P2RY14: variants seen among roughly 807,000 people sequenced by gnomAD.
P2RY14 encodes the protein P2Y purinoceptor 14.
A neutral mutation model predicts 0.9 loss-of-function variants in P2RY14; 2 were observed. That is an observed-to-expected ratio of 2.16 (90% CI 0.88 to 6.79). The LOEUF (loss-of-function observed/expected upper bound fraction) is 6.79, where lower values mean the gene tolerates loss of function less well. P2RY14 is among the 30% of genes most tolerant of loss of function. The pLI, the probability that P2RY14 is intolerant of heterozygous loss-of-function variation, is 0.05. For synonymous variants in P2RY14, 158 were observed against 147.2 expected (o/e 1.07, Z -0.53); for missense variants, 378 against 400.1 (o/e 0.94, Z 0.47).
chr3:151,260,906 G>A (rs372003931), intron 1 of P2RY14, among the ~76,000 whole-genome samples: 7 of 151,912 alleles, frequency 4.6e-5, no homozygotes, highest in Admixed American at 1.3e-4. Context: ...TTATCTTGAC[G>A]GCGTCACATC....
intron 1 of P2RY14, among the ~76,000 whole-genome samples, chr3:151,226,728 G>T (rs1730563702): frequency 6.6e-6 from 1 of 152,120 alleles, no homozygotes; most frequent in African/African-American, 2.4e-5. Context: ...AGTTTCTTCA[G>T]TTATCTTCCA....
chr3:151,213,867 G>T lies in P2RY14; in HGVS notation c.450C>A (p.Leu150=). ...GAATAATATTTGGAACAGCAAGGAG[G>T]AGCATGAGCATCCATACTATCACTG... ...LLSVIVWMLM[L]LLAVPNIILT... Residue 150 remains leucine (L), a synonymous_variant, in exon 3 of 3, where the codon CTC becomes CTA. Transcript: ENST00000309170. 6.2e-7 allele frequency: 1 copy of T among 1,613,690 alleles called. No individual in the cohort carries two copies. The highest frequency in any genetic ancestry group is 1.1e-5 in the South Asian group (1 of 91,074).
intron 1 of P2RY14, among the ~76,000 whole-genome samples, chr3:151,239,204 T>G (rs534128144): frequency 1.3e-4 from 20 of 152,242 alleles, no homozygotes; most frequent in Non-Finnish European, 1.2e-4. Context: ...TATGATGTTA[T>G]AAAATTGGGC....
chr3:151,258,947 C>T (rs1738352755), intron 1 of P2RY14, among the ~76,000 whole-genome samples: 1 of 151,974 alleles, frequency 6.6e-6, no homozygotes, highest in African/African-American at 2.4e-5. Context: ...TGCTGTTAGC[C>T]TCTGCAGGCT....
At position 151,213,286 on chromosome 3, in the gene P2RY14, A is replaced by G; in HGVS notation, c.*14T>C. 6.4e-7 allele frequency: 1 copy of G among 1,567,254 alleles called. No homozygotes were observed. The highest frequency in any genetic ancestry group is 8.6e-7 in the Non-Finnish European group (1 of 1,159,874). On this transcript the variant is annotated 3_prime_UTR_variant, in exon 3 of 3. Transcript: ENST00000309170. ...ACATGCACACGTGGTCTTTCTTTGG[A>G]AGAGGGTAGGAACTCACAAAGTATC...
chr3:151,244,857 T>C (rs905889047), intron 1 of P2RY14, among the ~76,000 whole-genome samples: 3 of 151,848 alleles, frequency 2.0e-5, no homozygotes, highest in Admixed American at 1.3e-4. Context: ...ATCAACAAAA[T>C]TGATAGACCG....
chr3:151,261,977 T>A (rs147989201), intron 1 of P2RY14, among the ~76,000 whole-genome samples: 43 of 152,266 alleles, frequency 2.8e-4, no homozygotes, highest in African/African-American at 9.1e-4. Flanking sequence ...TTGACCCGCC[T>A]CGGCCTCCCA....
At chr3:151,271,850 T>C (rs781188436) in intron 1 of P2RY14, among the ~76,000 whole-genome samples, 1 of 152,198 alleles carries the variant, frequency 6.6e-6, no homozygotes, top group South Asian at 2.1e-4. Flanking sequence ...AAATTAGGAA[T>C]GTAGATGGCT....
intron 1 of P2RY14, among the ~76,000 whole-genome samples, chr3:151,258,187 C>T (rs1231092082): frequency 1.3e-5 from 2 of 152,184 alleles, no homozygotes; most frequent in Admixed American, 6.5e-5. Flanking sequence ...TATGAGACCA[C>T]TGTGAGATGG....
chr3:151,239,171 G>A (rs575538039), intron 1 of P2RY14, among the ~76,000 whole-genome samples: 8 of 152,300 alleles, frequency 5.3e-5, no homozygotes, highest in African/African-American at 1.9e-4. Context: ...CTGCATGAAT[G>A]TATTTTATCT....
At chr3:151,226,140 C>T (rs1297355467) in intron 1 of P2RY14, among the ~76,000 whole-genome samples, 1 of 152,144 alleles carries the variant, frequency 6.6e-6, no homozygotes, top group African/African-American at 2.4e-5. Context: ...AAGGAGGAAG[C>T]ACAGGAACAC....
At chr3:151,259,187 C>T (rs1738405124) in intron 1 of P2RY14, among the ~76,000 whole-genome samples, 1 of 152,156 alleles carries the variant, frequency 6.6e-6, no homozygotes, top group Non-Finnish European at 1.5e-5. Context: ...GATTAGTTAT[C>T]CTGCTGTAGG....
chr3:151,216,860 G>C (rs1348646017), intron 2 of P2RY14, among the ~76,000 whole-genome samples: 1 of 152,088 alleles, frequency 6.6e-6, no homozygotes, highest in African/African-American at 2.4e-5. Flanking sequence ...AATTTGTCTG[G>C]TAACTGTCTC....
chr3:151,250,860 A>G (rs1014188878), intron 1 of P2RY14, among the ~76,000 whole-genome samples: 2 of 152,214 alleles, frequency 1.3e-5, no homozygotes, highest in Admixed American at 1.3e-4. Context: ...TAGAGGCTGA[A>G]TGAACCATCT....
chr3:151,276,676 G>A (rs749603029), intron 1 of P2RY14, among the ~76,000 whole-genome samples: 2 of 152,192 alleles, frequency 1.3e-5, no homozygotes, highest in African/African-American at 4.8e-5. Context: ...TAGAGTGAAC[G>A]TTCTTCTAGG....
chr3:151,214,442 A>C (rs751238761), intron 2 of P2RY14, 102 bp from the exon 3 acceptor site: 11 of 745,308 alleles, frequency 1.5e-5, no homozygotes, highest in Non-Finnish European at 2.4e-5. Flanking sequence ...AAACCTACCA[A>C]ATTTTTGAAG....
At chr3:151,224,430 G>T (rs1299003090) in intron 1 of P2RY14, among the ~76,000 whole-genome samples, 2 of 150,678 alleles carry the variant, frequency 1.3e-5, no homozygotes, top group Non-Finnish European at 2.9e-5. Context: ...AATCTCTCAT[G>T]CCTTAATGTT....
At chr3:151,270,941 CACTT>C (rs1740827846) in intron 1 of P2RY14, among the ~76,000 whole-genome samples, 1 of 151,516 alleles carries the variant, frequency 6.6e-6, no homozygotes, top group Non-Finnish European at 1.5e-5. Flanking sequence ...GGAAAGATGA[CACTT>C]AGTTTTAAAT....
chr3:151,244,866 C>T (rs1035791321), intron 1 of P2RY14, among the ~76,000 whole-genome samples: 52 of 151,880 alleles, frequency 3.4e-4, no homozygotes, highest in Middle Eastern at 3.4e-3. Context: ...ATTGATAGAC[C>T]GCTAGCAAGA....
Sources: allele counts gnomAD v4.1 joint callset (sites outside exome capture counted in the v4.1 genomes callset), GRCh38; gene constraint gnomAD v4.1.1; transcripts MANE v1.5; gene names NCBI Gene and HGNC (gene_info 2026-07-23, HGNC 2026-07-21).